The following NTPCR variants were observed in gnomAD, a reference collection of about 807,000 sequenced individuals.
NTPCR encodes nucleoside-triphosphatase, cancer-related, also known as cancer-related nucleoside-triphosphatase.
Under a neutral mutation model 19.5 loss-of-function variants are expected in NTPCR, and 15 were observed. The ratio of observed to expected loss-of-function variants is 0.77; its 90% confidence interval spans 0.51 to 1.18. The LOEUF (loss-of-function observed/expected upper bound fraction) is 1.18. Among genes scored for constraint, NTPCR ranks in the 50% most tolerant of loss-of-function variants. The pLI, the probability that NTPCR is intolerant of heterozygous loss-of-function variation, is 0.00. For missense variants in NTPCR, 206 were observed against 240.4 expected (o/e 0.86, Z 0.95); for synonymous variants, 90 against 95.8 (o/e 0.94, Z 0.36).
chr1:232,976,432 C>G (rs937028107), intron 4 of NTPCR: 28 of 1,550,528 alleles, frequency 1.8e-5, no homozygotes, highest in Non-Finnish European at 2.1e-5. Flanking sequence ...GCAGAAGCTA[C>G]TGCAATCACT....
At chr1:232,961,122 G>A (rs961939903) in intron 3 of NTPCR, among the ~76,000 whole-genome samples, 2 of 152,170 alleles carry the variant, frequency 1.3e-5, no homozygotes, top group Admixed American at 6.5e-5. Flanking sequence ...GATTTTAGTG[G>A]TTTCATCCTA....
intron 4 of NTPCR, 144 bp downstream of exon 4, chr1:232,970,262 T>C (rs1482867058): frequency 7.5e-6 from 5 of 667,434 alleles, no homozygotes; most frequent in Non-Finnish European, 1.3e-5. Flanking sequence ...TTTCTAGAAA[T>C]GTATAGAACT....
intron 4 of NTPCR, among the ~76,000 whole-genome samples, chr1:232,974,144 G>T (rs1425389175): frequency 6.6e-6 from 1 of 152,210 alleles, no homozygotes; most frequent in African/African-American, 2.4e-5. Flanking sequence ...TGAAAGCAGT[G>T]AAAGGAAAGC....
chr1:232,975,772 A>G (rs961442551), intron 4 of NTPCR, among the ~76,000 whole-genome samples: 4 of 152,214 alleles, frequency 2.6e-5, no homozygotes, highest in Non-Finnish European at 5.9e-5. Flanking sequence ...GCAGAAAAAA[A>G]GAATGGTTGG....
intron 4 of NTPCR, among the ~76,000 whole-genome samples, chr1:232,971,577 G>T (rs1668981488): frequency 6.6e-6 from 1 of 152,164 alleles, no homozygotes; most frequent in South Asian, 2.1e-4. Context: ...AGCACCTACT[G>T]TATGCTAGGT....
At chr1:232,973,408 T>C (rs1669038606) in intron 4 of NTPCR, among the ~76,000 whole-genome samples, 1 of 152,176 alleles carries the variant, frequency 6.6e-6, no homozygotes, top group African/African-American at 2.4e-5. Context: ...TTTTTCCTGC[T>C]AAGGATGTTA....
chr1:232,953,237 T>G (rs1668422166), intron 1 of NTPCR, among the ~76,000 whole-genome samples: 1 of 143,958 alleles, frequency 6.9e-6, no homozygotes, highest in Non-Finnish European at 1.6e-5. Context: ...AATCTTTATC[T>G]GAGGATCTGC....
At position 232,950,785 on chromosome 1, in the gene NTPCR, G is replaced by A. The variant is rs543635033; in HGVS notation, c.34+41G>A. ...TCCCCACCTCCAAGAGGTCGAGGGGGTGGGGGCGCGCGGGCTGCGGGCGAC... is the reference window on the plus strand; with the variant it reads ...TCCCCACCTCCAAGAGGTCGAGGGGATGGGGGCGCGCGGGCTGCGGGCGAC... On this transcript the variant is annotated intron_variant, in intron 1 of 4. Transcript: ENST00000366628. 3.9e-5 allele frequency: 57 copies of A among 1,461,090 alleles called. No individual in the cohort carries two copies. In the African/African-American group the frequency reaches 7.1e-4, roughly 18 times the overall value. The allele number at this position is 1,461,090 out of a possible 1,614,324, so 90.5% of individuals were successfully genotyped here.
chr1:232,978,055 C>T, intron 4 of NTPCR, 108 bp from the exon 5 acceptor site: 2 of 864,244 alleles, frequency 2.3e-6, no homozygotes, highest in South Asian at 1.6e-5. Context: ...ACAAAACATA[C>T]CTCACCCTCT....
intron 3 of NTPCR, chr1:232,964,346 G>A (rs745938135): frequency 6.6e-6 from 1 of 152,290 alleles, no homozygotes; most frequent in African/African-American, 2.4e-5. Context: ...GGTGTGTGAT[G>A]TTTAGTGATA....
At chr1:232,972,803 G>A (rs929607288) in intron 4 of NTPCR, among the ~76,000 whole-genome samples, 4 of 152,214 alleles carry the variant, frequency 2.6e-5, no homozygotes, top group African/African-American at 9.6e-5. Flanking sequence ...TTGCTCACAT[G>A]CAATAAAGTA....
chr1:232,959,965 C>G (rs1057246597), intron 3 of NTPCR, among the ~76,000 whole-genome samples: 1 of 151,992 alleles, frequency 6.6e-6, no homozygotes, highest in Non-Finnish European at 1.5e-5. Context: ...AACCCCAGCT[C>G]TTTGGGAGTC....
chr1:232,956,799 G>A (rs113001419), intron 3 of NTPCR, among the ~76,000 whole-genome samples: 5 of 152,226 alleles, frequency 3.3e-5, no homozygotes, highest in African/African-American at 9.6e-5. Context: ...GAACATAATA[G>A]CCAGTTGTTA....
intron 3 of NTPCR, chr1:232,965,057 G>A (rs532454869): frequency 6.6e-6 from 1 of 152,110 alleles, no homozygotes; most frequent in African/African-American, 2.4e-5. Context: ...ATCCATACTT[G>A]ATGAAATAAT....
intron 3 of NTPCR, 32 bp from the exon 4 acceptor site, chr1:232,969,877 G>C (rs2102753788): frequency 1.3e-6 from 2 of 1,579,108 alleles, no homozygotes; most frequent in African/African-American, 1.3e-5. Context: ...ATGTGACTCT[G>C]ATGTCCCAGT....
intron 2 of NTPCR, 49 bp from the exon 3 acceptor site, chr1:232,956,298 A>T (rs1216714739): frequency 4.4e-6 from 6 of 1,372,546 alleles, no homozygotes; most frequent in Middle Eastern, 1.8e-4. Context: ...AAAAACCAGA[A>T]ATCAATACAG....
At position 232,978,167 on chromosome 1, in the gene NTPCR, C is replaced by T; in HGVS notation, c.509C>T (p.Thr170Ile). 6.2e-7 allele frequency: 1 copy of T among 1,613,962 alleles called. No individual in the cohort carries two copies. Among genetic ancestry groups the T allele is most frequent in the Non-Finnish European group, 8.5e-7 (1 of 1,179,838 alleles). The change falls in exon 5 of 5, where the codon ACC becomes ATC. Residue 170 changes from threonine to isoleucine, a missense_variant. Thr to Ile is a moderately conservative substitution (Grantham distance 89). Coordinates refer to ENST00000366628, the MANE Select transcript of NTPCR (RefSeq NM_032324.3). ...NRKDVKVFNV[T>I]KENRNHLLPD... ...TTCTCTCACTTCTTCCCACAGGTCA[C>T]CAAGGAAAACAGAAACCACCTTCTG...
At position 232,980,109 on chromosome 1, in the gene NTPCR, G is replaced by C. The variant is rs1669245615; in HGVS notation, c.*1878G>C. The C allele has an allele frequency of 6.6e-6, 1 of 152,258 alleles. No individual in the cohort carries two copies. The highest frequency in any genetic ancestry group is 1.5e-5 in the Non-Finnish European group (1 of 68,070). The allele number at this position is 152,258 out of a possible 1,614,324, so 9.4% of individuals were successfully genotyped here. On this transcript the variant is annotated 3_prime_UTR_variant, in exon 5 of 5. Coordinates refer to ENST00000366628, the MANE Select transcript of NTPCR (RefSeq NM_032324.3). Reference sequence around the variant, plus strand: ...TAGACTTTGATTTTGTCTTAAATGAGAAAGAAAGCTGGTGAAGGTTATTTC... The same window carrying C: ...TAGACTTTGATTTTGTCTTAAATGACAAAGAAAGCTGGTGAAGGTTATTTC...
chr1:232,956,551 A>G (rs1201128696), intron 3 of NTPCR, 108 bp downstream of exon 3: 10 of 718,582 alleles, frequency 1.4e-5, no homozygotes, highest in Admixed American at 4.6e-5. Flanking sequence ...CCAGTTTTGC[A>G]TTTTACAATT....
Sources: gnomAD v4.1 joint callset for allele counts (sites outside exome capture counted in the v4.1 genomes callset) on GRCh38, gnomAD v4.1.1 for gene constraint, MANE v1.5 for transcripts, NCBI Gene and HGNC (gene_info 2026-07-23, HGNC 2026-07-21) for gene names.